Variants in CDIN1 observed in about 807,000 individuals in gnomAD.
The protein encoded by CDIN1 is CDAN1-interacting nuclease 1.
In CDIN1, 33 loss-of-function variants were observed where a neutral mutation model predicts 45.3. The observed-to-expected ratio is 0.73, with a 90% CI of 0.55 to 0.97. CDIN1 has a LOEUF of 0.97. Ranked by LOEUF, CDIN1 falls within the 50% of genes least tolerant of loss-of-function variation. The pLI, the probability that CDIN1 is intolerant of heterozygous loss-of-function variation, is 0.00. For missense variants in CDIN1, 303 were observed against 339.4 expected, an observed-to-expected ratio of 0.89 and a Z score of 0.84; for synonymous variants, 118 against 124.4, an observed-to-expected ratio of 0.95 and a Z score of 0.34.
At chr15:36,641,847 G>A (rs1315816528) in intron 1 of CDIN1, 3 of 152,160 alleles carry the variant, frequency 2.0e-5, no homozygotes, top group Non-Finnish European at 4.4e-5. Context: ...TTGGGACATT[G>A]TAGATGCACT....
chr15:36,723,641 T>C (rs913241326), intron 10 of CDIN1, among the ~76,000 whole-genome samples: 3 of 152,202 alleles, frequency 2.0e-5, no homozygotes, highest in Admixed American at 2.0e-4. Flanking sequence ...CGTAGCTCAC[T>C]GCAACCTTGA....
At chr15:36,798,828 TGTG>T (rs1222449040) in intron 10 of CDIN1, 1 of 152,172 alleles carries the variant, frequency 6.6e-6, no homozygotes, top group African/African-American at 2.4e-5. Context: ...CATTTTATAA[TGTG>T]GTTCTAATTT....
chr15:36,758,818 G>C (rs1388717886), intron 10 of CDIN1, among the ~76,000 whole-genome samples: 2 of 152,072 alleles, frequency 1.3e-5, no homozygotes, highest in African/African-American at 2.4e-5. Flanking sequence ...ACATAATACA[G>C]TATAATATCT....
chr15:36,625,858 AG>A (rs1277613464), intron 1 of CDIN1, among the ~76,000 whole-genome samples: 2 of 152,168 alleles, frequency 1.3e-5, no homozygotes, highest in Non-Finnish European at 2.9e-5. Context: ...CTTAAACAAC[AG>A]AAATTTGTTC....
At chr15:36,739,762 T>G (rs1416474965) in intron 10 of CDIN1, among the ~76,000 whole-genome samples, 1 of 152,182 alleles carries the variant, frequency 6.6e-6, no homozygotes, top group Non-Finnish European at 1.5e-5. Flanking sequence ...AAGTATGTAT[T>G]CTCCTATTAC....
chr15:36,641,700 C>T (rs570495474), intron 1 of CDIN1: 1 of 152,146 alleles, frequency 6.6e-6, no homozygotes, highest in East Asian at 1.9e-4. Context: ...AATGTGAGTA[C>T]TTGACAGTGT....
intron 8 of CDIN1, among the ~76,000 whole-genome samples, chr15:36,701,404 T>TG (rs2042639639): frequency 6.6e-6 from 1 of 152,084 alleles, no homozygotes; most frequent in South Asian, 2.1e-4. Context: ...TTTTGCTGTG[T>TG]TTTTTTGTGT....
chr15:36,640,706 C>G (rs894802861), intron 1 of CDIN1: 19 of 923,382 alleles, frequency 2.1e-5, no homozygotes, highest in Non-Finnish European at 2.3e-5. Context: ...GGACCTTACC[C>G]TTGCATGAAT....
intron 5 of CDIN1, among the ~76,000 whole-genome samples, chr15:36,687,345 C>T (rs1379201782): frequency 6.6e-6 from 1 of 151,630 alleles, no homozygotes; most frequent in Non-Finnish European, 1.5e-5. Flanking sequence ...CAATAAAGTT[C>T]AAAGTAAAGA....
chr15:36,608,322 C>T (rs1386689019), intron 1 of CDIN1, among the ~76,000 whole-genome samples: 1 of 152,180 alleles, frequency 6.6e-6, no homozygotes. Context: ...TTCTCAGAAT[C>T]ATCAATAACA....
chr15:36,679,163 AGTGTGTATGT>A (rs2041761474), intron 5 of CDIN1, among the ~76,000 whole-genome samples: 2 of 151,976 alleles, frequency 1.3e-5, no homozygotes, highest in Non-Finnish European at 2.9e-5. Context: ...GCCACAAAAG[AGTGTGTATGT>A]GTGTATGGGC....
At chr15:36,776,995 C>T (rs1476692396) in intron 10 of CDIN1, among the ~76,000 whole-genome samples, 2 of 151,958 alleles carry the variant, frequency 1.3e-5, no homozygotes, top group Admixed American at 6.6e-5. Context: ...CTTTTTGTCC[C>T]AATATTTTTG....
In CDIN1 at chr15:36,692,172, A is replaced by G; in HGVS notation, c.473A>G (p.Lys158Arg). The change falls in exon 7 of 11, where the codon AAG becomes AGG. Residue 158 changes from lysine to arginine, a missense_variant. Coordinates refer to ENST00000566621, the MANE Select transcript of CDIN1 (RefSeq NM_001321759.2). ...TACGGACCACTAGTGGACTGCATCA[A>G]GCAGTATCCTTTCCCATAAAATTTT... ...CCYGPLVDCI[K>R]HAIGHEHEVL... The G allele has an allele frequency of 6.2e-7, 1 of 1,613,596 alleles. No homozygotes were observed. Among genetic ancestry groups the G allele is most frequent in the Non-Finnish European group, 8.5e-7 (1 of 1,179,718 alleles).
chr15:36,655,312 CTT>C (rs755017089), intron 4 of CDIN1, among the ~76,000 whole-genome samples: 2 of 125,124 alleles, frequency 1.6e-5, no homozygotes, highest in African/African-American at 3.0e-5. Context: ...GAGCAGAGTG[CTT>C]TTTTTTTTTT....
intron 10 of CDIN1, among the ~76,000 whole-genome samples, chr15:36,802,101 A>G (rs1462896965): frequency 2.0e-5 from 3 of 152,216 alleles, no homozygotes; most frequent in Non-Finnish European, 4.4e-5. Context: ...ATGAGACAGT[A>G]AAGCATAGTA....
intron 10 of CDIN1, among the ~76,000 whole-genome samples, chr15:36,723,016 C>T (rs2043489565): frequency 6.6e-6 from 1 of 150,924 alleles, no homozygotes; most frequent in Non-Finnish European, 1.5e-5. Context: ...TTCCAATCTA[C>T]TCTTAAGATC....
chr15:36,731,146 G>T (rs1407444257), intron 10 of CDIN1, among the ~76,000 whole-genome samples: 1 of 152,074 alleles, frequency 6.6e-6, no homozygotes, highest in Non-Finnish European at 1.5e-5. Flanking sequence ...CACTCTAATA[G>T]AAGCTTGAAA....
intron 1 of CDIN1, among the ~76,000 whole-genome samples, chr15:36,642,228 T>C (rs1416923066): frequency 6.6e-6 from 1 of 152,210 alleles, no homozygotes; most frequent in Non-Finnish European, 1.5e-5. Flanking sequence ...CTGCTCCTTA[T>C]GGTGTGACAT....
intron 10 of CDIN1, among the ~76,000 whole-genome samples, chr15:36,748,662 A>AAAAC: frequency 6.6e-6 from 1 of 152,310 alleles, no homozygotes; most frequent in African/African-American, 2.4e-5. Flanking sequence ...CAAAAAAGTA[A>AAAAC]AAACAAACAA....
Sources: gnomAD v4.1 joint callset for allele counts (sites outside exome capture counted in the v4.1 genomes callset) on GRCh38, gnomAD v4.1.1 for gene constraint, MANE v1.5 for transcripts, NCBI Gene and HGNC (gene_info 2026-07-23, HGNC 2026-07-21) for gene names.